The following RBFOX1 variants were observed in gnomAD, a reference collection of about 807,000 sequenced individuals.
RBFOX1 encodes RNA binding protein fox-1 homolog 1.
A neutral mutation model predicts 57.7 loss-of-function variants in RBFOX1; 8 were observed. The ratio of observed to expected loss-of-function variants is 0.14; its 90% CI spans 0.08 to 0.25. RBFOX1 has a LOEUF of 0.25. RBFOX1 is among the 10% of genes least tolerant of loss of function. The pLI, the probability that RBFOX1 is intolerant of heterozygous loss-of-function variation, is 1.00. For missense variants in RBFOX1, 611 were observed against 548.5 expected (o/e 1.11, Z -1.14); for synonymous variants, 326 against 222.4 (o/e 1.47, Z -4.15).
chr16:7,183,422 T>C (rs1460258972), intron 4 of RBFOX1, among the ~76,000 whole-genome samples: 2 of 152,238 alleles, frequency 1.3e-5, no homozygotes, highest in Admixed American at 1.3e-4. Flanking sequence ...CATGAAAGTA[T>C]CCTGAACGAA....
rs200149606 is a variant in RBFOX1 at position 6,980,813 on chromosome 16, C to T, written c.-15-71244C>T. On this transcript the variant is annotated intron_variant, in intron 3 of 15. Transcript: ENST00000550418. ...ATCCCAGCACTTTGGGAGGCCAAGG[C>T]AGGCGGATCACTTCAGGTCAGGAGT... 9.9e-5 allele frequency among the ~76,000 whole-genome samples: 15 copies of T among 152,198 alleles called. No individual in the cohort carries two copies. In the East Asian group the frequency reaches 2.5e-3, roughly 25 times the overall value.
At chr16:7,664,843 A>C in intron 12 of RBFOX1, 86 bp from the exon 13 acceptor site, 6 of 1,611,198 alleles carry the variant, frequency 3.7e-6, no homozygotes, top group Non-Finnish European at 5.1e-6. Context: ...TTGTGACCAG[A>C]CTAACCTCGC....
At chr16:5,834,577 CATAGATAGATAGATAGATAG>C (rs141276552) in intron 3 of RBFOX1, among the ~76,000 whole-genome samples, 8 of 147,382 alleles carry the variant, frequency 5.4e-5, no homozygotes, top group Non-Finnish European at 7.4e-5. Context: ...GTGCATGTGT[CATAGATAGATAGATAGATAG>C]ATAGATAGAT....
At position 6,005,375 on chromosome 16, in the gene RBFOX1, G is replaced by T. The variant is rs550569648; in HGVS notation, c.351+138040G>T. Among the ~76,000 whole-genome samples, 4 of 152,328 alleles carry T rather than the reference G, an allele frequency of 2.6e-5. No individual in the cohort carries two copies. In the South Asian group the frequency reaches 8.3e-4, roughly 32 times the overall value. On this transcript the variant is annotated intron_variant, in intron 4 of 19. Transcript: ENST00000641259. ...TTCTGCCAATGTTTGTTGAGCATCT[G>T]CTATGGGCCAGGCACCTGCTAGAGC... is the stretch of plus-strand genomic sequence containing the variant.
At chr16:6,874,338 G>A (rs1436263935) in intron 3 of RBFOX1, among the ~76,000 whole-genome samples, 3 of 151,664 alleles carry the variant, frequency 2.0e-5, no homozygotes, top group Non-Finnish European at 4.4e-5. Flanking sequence ...TGATGAAACT[G>A]CATCTCCACT....
At chr16:5,674,885 G>A (rs2050118916) in intron 3 of RBFOX1, among the ~76,000 whole-genome samples, 2 of 152,138 alleles carry the variant, frequency 1.3e-5, no homozygotes, top group African/African-American at 4.8e-5. Context: ...GGTGGCTCAT[G>A]TCTGTAATCC....
intron 2 of RBFOX1, among the ~76,000 whole-genome samples, chr16:6,613,911 C>A (rs1394889270): frequency 6.6e-6 from 1 of 152,084 alleles, no homozygotes; most frequent in East Asian, 1.9e-4. Flanking sequence ...GCACTCCAGC[C>A]TGGGCGACAG....
chr16:7,007,571 T>G (rs961458145), intron 3 of RBFOX1, among the ~76,000 whole-genome samples: 1 of 152,198 alleles, frequency 6.6e-6, no homozygotes, highest in African/African-American at 2.4e-5. Context: ...TACTGTACAT[T>G]GTTAAACACC....
At chr16:7,378,311 A>C (rs73549070) in intron 4 of RBFOX1, among the ~76,000 whole-genome samples, 3,759 of 152,222 alleles carry the variant, frequency 0.025, 148 homozygotes, top group African/African-American at 0.087. Context: ...GTGATGACGA[A>C]GCTTCTATCT....
intron 1 of RBFOX1, among the ~76,000 whole-genome samples, chr16:6,289,140 G>A (rs2077196017): frequency 1.3e-5 from 2 of 152,178 alleles, no homozygotes; most frequent in South Asian, 4.1e-4. Flanking sequence ...TATCTGTTTA[G>A]TGATGGGGAT....
chr16:5,976,667 G>A (rs903163022), intron 4 of RBFOX1, among the ~76,000 whole-genome samples: 2 of 152,196 alleles, frequency 1.3e-5, no homozygotes, highest in Non-Finnish European at 2.9e-5. Context: ...TCAGGAGTTC[G>A]AGACCAGCCT....
intron 3 of RBFOX1, among the ~76,000 whole-genome samples, chr16:6,877,278 T>C (rs374717020): frequency 6.6e-6 from 1 of 152,332 alleles, no homozygotes; most frequent in South Asian, 2.1e-4. Flanking sequence ...ATGGATGGGT[T>C]GACTTGGAGG....
chr16:5,387,571 G>T lies in RBFOX1; in HGVS notation c.220-79645G>T, dbSNP rs577946288. Among the ~76,000 whole-genome samples, 16 of 152,306 alleles carry T rather than the reference G, an allele frequency of 1.1e-4. No individual in the cohort carries two copies. In the South Asian group the frequency reaches 2.9e-3, roughly 28 times the overall value. On this transcript the variant is annotated intron_variant, in intron 1 of 2. Transcript: ENST00000585867. ...AGGGAATTCCTGATATTATATAAGT[G>T]CTTGGATTTATATTGCATTGACTGA... is the stretch of plus-strand genomic sequence containing the variant.
At chr16:6,123,250 C>G (rs886658620) in intron 1 of RBFOX1, among the ~76,000 whole-genome samples, 3 of 152,060 alleles carry the variant, frequency 2.0e-5, no homozygotes, top group African/African-American at 7.3e-5. Context: ...TGGAAACAAC[C>G]CAAATGTCCA....
chr16:6,769,849 C>T (rs146513724), intron 3 of RBFOX1, among the ~76,000 whole-genome samples: 25 of 152,242 alleles, frequency 1.6e-4, no homozygotes, highest in African/African-American at 5.1e-4. Flanking sequence ...CAACTCACCA[C>T]GAGTTTGAAG....
intron 2 of RBFOX1, among the ~76,000 whole-genome samples, chr16:5,470,015 T>A (rs770619574): frequency 1.8e-4 from 28 of 152,184 alleles, no homozygotes; most frequent in Admixed American, 2.6e-4. Flanking sequence ...GGTATATACC[T>A]AGGAGTGGAA....
chr16:6,348,478 A>G (rs2085746780), intron 2 of RBFOX1, among the ~76,000 whole-genome samples: 2 of 152,156 alleles, frequency 1.3e-5, no homozygotes, highest in Non-Finnish European at 2.9e-5. Flanking sequence ...GTGAGATGGT[A>G]TATCAGCCTG....
At chr16:6,930,978 T>G (rs1223135968) in intron 3 of RBFOX1, among the ~76,000 whole-genome samples, 2 of 152,096 alleles carry the variant, frequency 1.3e-5, no homozygotes, top group African/African-American at 2.4e-5. Context: ...CACATACATA[T>G]GTACTTATTT....
intron 1 of RBFOX1, among the ~76,000 whole-genome samples, chr16:6,117,583 C>T (rs1256207218): frequency 1.3e-5 from 2 of 152,256 alleles, no homozygotes; most frequent in Admixed American, 1.3e-4. Context: ...TCTTGGCCTT[C>T]TGCCTTTTGC....
Sources: gnomAD v4.1 joint callset for allele counts (sites outside exome capture counted in the v4.1 genomes callset) on GRCh38, gnomAD v4.1.1 for gene constraint, MANE v1.5 for transcripts, NCBI Gene and HGNC (gene_info 2026-07-23, HGNC 2026-07-21) for gene names.